SMIM27: variants seen among roughly 807,000 people sequenced by gnomAD.
The protein encoded by SMIM27 is TOPORS antisense RNA 1 (non-protein coding).
Under a neutral mutation model 1.8 loss-of-function variants are expected in SMIM27, and 3 were observed. The observed-to-expected ratio is 1.65, with a 90% CI of 0.75 to 4.28. The LOEUF (loss-of-function observed/expected upper bound fraction) is 4.28. Ranked by LOEUF, SMIM27 falls within the 30% of genes most tolerant of loss-of-function variation. The pLI is 0.02. For synonymous variants in SMIM27, 19 were observed against 13.9 expected (o/e 1.37, Z -0.82); for missense variants, 63 against 37.0 (o/e 1.70, Z -1.83).
At chr9:32,560,954 C>T (rs925658523) in intron 1 of SMIM27, among the ~76,000 whole-genome samples, 2 of 152,314 alleles carry the variant, frequency 1.3e-5, no homozygotes, top group Admixed American at 6.5e-5. Flanking sequence ...ACATAAAAAT[C>T]ACTCTTGGAT....
Position 32,552,969 on chromosome 9 carries a change from C to T in SMIM27, c.*46C>T, listed in dbSNP as rs1821340171. On this transcript the variant is annotated 3_prime_UTR_variant, in exon 2 of 2. Transcript: ENST00000692500. Reference sequence around the variant, plus strand: ...TGAAAATACAGTTCTTTCCCTCATGCTTATGTAGATATAAAAATAAAATTC... The same window carrying T: ...TGAAAATACAGTTCTTTCCCTCATGTTTATGTAGATATAAAAATAAAATTC... The T allele has an allele frequency of 1.6e-6, 1 of 640,866 alleles. No individual in the cohort carries two copies. Among genetic ancestry groups the T allele is most frequent in the East Asian group, 2.8e-5 (1 of 36,342 alleles). 39.7% of individuals were successfully genotyped at this position (640,866 alleles called of 1,614,324 possible).
chr9:32,566,288 G>A, intron 1 of SMIM27: 4 of 1,153,268 alleles, frequency 3.5e-6, no homozygotes, highest in Non-Finnish European at 3.9e-6. Flanking sequence ...TAGAAAGCAG[G>A]CCATAAAAAT....
At chr9:32,563,919 C>A (rs1255393876) in intron 1 of SMIM27, among the ~76,000 whole-genome samples, 1 of 152,168 alleles carries the variant, frequency 6.6e-6, no homozygotes, top group African/African-American at 2.4e-5. Flanking sequence ...TCTTTCAGCA[C>A]TTCTTTACTT....
At chr9:32,564,310 A>G (rs1370458830) in intron 1 of SMIM27, among the ~76,000 whole-genome samples, 1 of 152,110 alleles carries the variant, frequency 6.6e-6, no homozygotes, top group Non-Finnish European at 1.5e-5. Flanking sequence ...TCCCTTTATC[A>G]TCAACATATG....
At chr9:32,553,092 A>T (rs1467346919), downstream of SMIM27, 4 of 506,298 alleles carry the variant, frequency 7.9e-6, no homozygotes, top group Admixed American at 1.5e-4. Flanking sequence ...TTACATTCTC[A>T]TGACAAAATT....
chr9:32,551,959 T>C (rs981203462), upstream of SMIM27, among the ~76,000 whole-genome samples: 1 of 151,656 alleles, frequency 6.6e-6, no homozygotes, highest in Non-Finnish European at 1.5e-5. Context: ...CGAACGTCCA[T>C]CTAAATCGTG....
intron 1 of SMIM27, 132 bp downstream of exon 1, chr9:32,552,611 C>G (rs1821321120): frequency 1.3e-6 from 1 of 785,364 alleles, no homozygotes; most frequent in African/African-American, 1.7e-5. Flanking sequence ...CTCACCTCGA[C>G]TCCGCCTCTT....
intron 1 of SMIM27, chr9:32,565,335 G>C (rs189612236): frequency 1.3e-5 from 2 of 152,112 alleles, no homozygotes; most frequent in African/African-American, 4.8e-5. Flanking sequence ...GTCCTTTTAT[G>C]TTCTTTATGG....
At chr9:32,558,934 A>G (rs534020646) in intron 1 of SMIM27, 1 of 1,585,128 alleles carries the variant, frequency 6.3e-7, no homozygotes, top group African/African-American at 1.3e-5. Context: ...ACTTCTTTTC[A>G]ACTATGCCAT....
At chr9:32,552,776 A>C (rs954184267) in intron 1 of SMIM27, 25 bp from the exon 2 acceptor site, 3 of 697,488 alleles carry the variant, frequency 4.3e-6, no homozygotes, top group African/African-American at 1.8e-5. Context: ...TAGATTTCAC[A>C]CCTCCTTTGC....
chr9:32,560,667 G>A (rs1282095843), intron 1 of SMIM27, among the ~76,000 whole-genome samples: 5 of 151,972 alleles, frequency 3.3e-5, no homozygotes, highest in Non-Finnish European at 5.9e-5. Flanking sequence ...TAAATACTTC[G>A]AAATAAAATT....
chr9:32,552,101 A>G, upstream of SMIM27: 1 of 535,486 alleles, frequency 1.9e-6, no homozygotes. Flanking sequence ...ACACGACAGC[A>G]CCTTATCCTG....
downstream of SMIM27, among the ~76,000 whole-genome samples, chr9:32,557,179 T>TC (rs1015749263): frequency 1.9e-4 from 20 of 104,238 alleles, no homozygotes; most frequent in Admixed American, 3.7e-4. Context: ...TTTTTTTTTT[T>TC]CCCGAGACAG....
chr9:32,552,651 G>T, intron 1 of SMIM27, 150 bp from the exon 2 acceptor site: 1 of 670,774 alleles, frequency 1.5e-6, no homozygotes, highest in South Asian at 1.7e-5. Context: ...CGCTTCTTAC[G>T]TAAGGGCTGC....
rs1821304521 is a variant in SMIM27, at chr9:32,552,372, G to A, written c.-63G>A. ...TGCTGGCGCCTGGCAGCCACCGCCT[G>A]GGAGGTTACTGTAAGGCCCGCAGCT... On this transcript the variant is annotated 5_prime_UTR_variant, in exon 1 of 2. Coordinates refer to ENST00000692500, the MANE Select transcript of SMIM27 (RefSeq NM_001387564.1). 6.3e-7 allele frequency: 1 copy of A among 1,597,900 alleles called. No individual in the cohort carries two copies. Among genetic ancestry groups the A allele is most frequent in the Non-Finnish European group, 8.5e-7 (1 of 1,172,316 alleles).
downstream of SMIM27, chr9:32,553,615 A>T: frequency 2.4e-6 from 1 of 408,392 alleles, no homozygotes; most frequent in African/African-American, 2.0e-5. Context: ...AAACAAACAA[A>T]CATGTAACTA....
intron 1 of SMIM27, among the ~76,000 whole-genome samples, chr9:32,561,853 C>T (rs1485794164): frequency 6.6e-6 from 1 of 152,222 alleles, no homozygotes; most frequent in African/African-American, 2.4e-5. Flanking sequence ...TCTCAACTGA[C>T]ATCTACTAAA....
chr9:32,552,411 G>A lies in SMIM27; in HGVS notation c.-24G>A. 6.2e-7 allele frequency: 1 copy of A among 1,608,770 alleles called. No individual in the cohort carries two copies. Among genetic ancestry groups the A allele is most frequent in the Non-Finnish European group, 8.5e-7 (1 of 1,178,058 alleles). On this transcript the variant is annotated 5_prime_UTR_variant, in exon 1 of 2. Coordinates refer to ENST00000692500, the MANE Select transcript of SMIM27 (RefSeq NM_001387564.1). ...AGGCCCGCAGCTCCCGCCAGCTCCC[G>A]CGGACTGCTGCCGCCTCCTTACCAT... is the stretch of plus-strand genomic sequence containing the variant.
intron 1 of SMIM27, chr9:32,559,102 A>G: frequency 2.0e-6 from 1 of 507,664 alleles, no homozygotes; most frequent in Non-Finnish European, 3.5e-6. Context: ...CAACATCTCT[A>G]CTTAGCTATC....
Sources: gnomAD v4.1 joint callset for allele counts (sites outside exome capture counted in the v4.1 genomes callset) on GRCh38, gnomAD v4.1.1 for gene constraint, MANE v1.5 for transcripts, NCBI Gene and HGNC (gene_info 2026-07-23, HGNC 2026-07-21) for gene names.